The following IFT140 variants were observed in gnomAD, a reference collection of about 807,000 sequenced individuals.
IFT140 encodes the protein intraflagellar transport 140.
In IFT140, 133 loss-of-function variants were observed where a neutral mutation model predicts 164.6. The ratio of observed to expected loss-of-function variants is 0.81; its 90% CI spans 0.70 to 0.93. IFT140 has a LOEUF of 0.93. Ranked by LOEUF, IFT140 falls within the 40% of genes least tolerant of loss-of-function variation. IFT140 has a pLI of 0.00. For missense variants in IFT140, 2,045 were observed against 1,972.3 expected, an observed-to-expected ratio of 1.04 and a Z score of -0.70; for synonymous variants, 860 against 817.3, an observed-to-expected ratio of 1.05 and a Z score of -0.89.
At chr16:1,529,487 G>T (rs1381953557) in intron 19 of IFT140, among the ~76,000 whole-genome samples, 2 of 152,228 alleles carry the variant, frequency 1.3e-5, no homozygotes, top group Non-Finnish European at 2.9e-5. Context: ...TGGGACCCCA[G>T]GGAGGTGCCC....
Position 1,523,623 on chromosome 16 carries a change from G to T in IFT140, c.3348C>A (p.Asp1116Glu), listed in dbSNP as rs1438729385. 1.9e-6 allele frequency: 3 copies of T among 1,613,876 alleles called. No homozygotes were observed. The highest frequency in any genetic ancestry group is 3.3e-5 in the Admixed American group (2 of 60,010). Residue 1116 changes from aspartate (D) to glutamate (E), a missense_variant, in exon 26 of 31, where the codon GAC (aspartate) becomes GAA (glutamate). Coordinates refer to ENST00000426508, the MANE Select transcript of IFT140 (RefSeq NM_014714.4). ...QFVALQLIAE[D>E]LDETSDPALL... ...GCGCAGGGTCTGACGTCTCATCCAGGTCCTCTGCTATGAGCTGTAGGGCCA... is the reference window on the plus strand; with the variant it reads ...GCGCAGGGTCTGACGTCTCATCCAGTTCCTCTGCTATGAGCTGTAGGGCCA...
At position 1,524,032 on chromosome 16, in the gene IFT140, C is replaced by T. The variant is rs79271319; in HGVS notation, c.3142-76G>A. On this transcript the variant is annotated intron_variant, in intron 24 of 30. Coordinates refer to ENST00000426508, the MANE Select transcript of IFT140 (RefSeq NM_014714.4). ...GTCCGCTGAGATTCTGGAATGTGGC[C>T]GGGTGCGAACCCGCCCCTTCACTTT... The T allele has an allele frequency of 5.9e-3, 9,187 of 1,551,484 alleles. 28 individuals carry two copies. The highest frequency in any genetic ancestry group is 6.8e-3 in the Non-Finnish European group (7,797 of 1,153,398).
chr16:1,598,553 C>T (rs973132898), intron 4 of IFT140, among the ~76,000 whole-genome samples: 1 of 152,330 alleles, frequency 6.6e-6, no homozygotes, highest in South Asian at 2.1e-4. Context: ...CACTTAGACC[C>T]ACCAGGGAGC....
At chr16:1,558,809 C>T (rs746032021) in intron 18 of IFT140, among the ~76,000 whole-genome samples, 7 of 152,242 alleles carry the variant, frequency 4.6e-5, no homozygotes, top group African/African-American at 1.2e-4. Context: ...AAACGGATCA[C>T]GACGCAGCCT....
At position 1,592,484 on chromosome 16, in the gene IFT140, C is replaced by G. The variant is rs145287241; in HGVS notation, c.474G>C (p.Arg158=). The G allele has an allele frequency of 1.9e-5, 30 of 1,614,144 alleles. No homozygotes were observed. The East Asian group carries it at 5.3e-4, about 29-fold the overall frequency. The change falls in exon 5 of 31, where the codon CGG becomes CGC. Residue 158 remains arginine (R), a synonymous_variant. Coordinates refer to ENST00000426508, the MANE Select transcript of IFT140 (RefSeq NM_014714.4). ...YGKHLTHCIF[R]LPPPGEDLVQ... ...ACACTTACTCGCCAGGAGGGGGGAGCCGGAAGATGCAGTGCGTGAGGTGTT... is the reference window on the plus strand; with the variant it reads ...ACACTTACTCGCCAGGAGGGGGGAGGCGGAAGATGCAGTGCGTGAGGTGTT...
At position 1,533,976 on chromosome 16, in the gene IFT140, G is replaced by A. The variant is rs1341322456; in HGVS notation, c.2400-7180C>T. 3 of 446,478 alleles carry A rather than the reference G, an allele frequency of 6.7e-6. No homozygotes were observed. The highest frequency in any genetic ancestry group is 8.8e-5 in the Admixed American group (2 of 22,834). 27.7% of individuals were successfully genotyped at this position (446,478 alleles called of 1,614,324 possible). A position where few individuals can be genotyped will look rare whatever the true frequency, so the allele number is the denominator to read the frequency against. ...CGGCACAGGCCGGCCTCCGCTTCCC[G>A]GGAAGACGGCGCACTCCTGGCCCTG... On this transcript the variant is annotated intron_variant, in intron 19 of 30. Transcript: ENST00000426508. The surrounding 1 kb of genome is among the most constrained non-coding windows in gnomAD (Gnocchi z 4.7).
chr16:1,529,433 C>G lies in IFT140; in HGVS notation c.2400-2637G>C, dbSNP rs553728865. On this transcript the variant is annotated intron_variant, in intron 19 of 30. Transcript: ENST00000426508. ...CCTGGGTGCACCCACTGGCAGCTTCCTGGACGCTCAGTCGGCGCTGCGGTG... is the reference window on the plus strand; with the variant it reads ...CCTGGGTGCACCCACTGGCAGCTTCGTGGACGCTCAGTCGGCGCTGCGGTG... Among the ~76,000 whole-genome samples the G allele has an allele frequency of 3.5e-4, 53 of 152,362 alleles. No homozygotes were observed. In the South Asian group the frequency reaches 0.01, roughly 29 times the overall value.
intron 19 of IFT140, chr16:1,541,311 C>G (rs1329639794): frequency 1.0e-6 from 1 of 985,296 alleles, no homozygotes; most frequent in African/African-American, 1.7e-5. Flanking sequence ...CTGGTTCAGA[C>G]CCATGTCTGA....
chr16:1,591,739 C>T (rs1052366541), intron 6 of IFT140, among the ~76,000 whole-genome samples: 1 of 152,186 alleles, frequency 6.6e-6, no homozygotes, highest in African/African-American at 2.4e-5. Context: ...TGGCCGGGGG[C>T]CTCAGGCTGG....
chr16:1,513,787 C>T (rs1441866982), intron 30 of IFT140, among the ~76,000 whole-genome samples: 1 of 150,704 alleles, frequency 6.6e-6, no homozygotes, highest in East Asian at 2.1e-4. Flanking sequence ...CATTCTCCTG[C>T]CTCAGCCTCC....
intron 19 of IFT140, chr16:1,528,927 T>TG (rs2030134422): frequency 6.6e-6 from 1 of 152,052 alleles, no homozygotes; most frequent in Admixed American, 6.6e-5. Context: ...CCGGGAGGTG[T>TG]GGGCTGCCCA....
intron 4 of IFT140, among the ~76,000 whole-genome samples, chr16:1,595,192 G>A (rs1302243540): frequency 6.6e-6 from 1 of 152,208 alleles, no homozygotes; most frequent in African/African-American, 2.4e-5. Flanking sequence ...GGCTGAGGCA[G>A]GAGAATGGTG....
Position 1,525,275 on chromosome 16 carries a change from C to T in IFT140, c.2820G>A (p.Glu940=), listed in dbSNP as rs2141175137. 1 of 1,613,030 alleles carries T rather than the reference C, an allele frequency of 6.2e-7. No individual in the cohort carries two copies. Among genetic ancestry groups the T allele is most frequent in the Middle Eastern group, 1.6e-4 (1 of 6,062 alleles). Reference sequence around the variant, plus strand: ...CGTAGAGCTCCAGGGACGGCAGGTCCTCCGACAGCATCCTGGGCACCTCGA... The same window carrying T: ...CGTAGAGCTCCAGGGACGGCAGGTCTTCCGACAGCATCCTGGGCACCTCGA... ...HRFEVPRMLS[E]DLPSLELYVN... is the part of the protein sequence containing the mutation. The change falls in exon 22 of 31, where the codon GAG becomes GAA. Residue 940 remains glutamate, a synonymous_variant. Coordinates refer to ENST00000426508, the MANE Select transcript of IFT140 (RefSeq NM_014714.4).
At chr16:1,514,142 G>A (rs2040272750) in intron 30 of IFT140, 1 of 151,398 alleles carries the variant, frequency 6.6e-6, no homozygotes, top group Non-Finnish European at 1.5e-5. Flanking sequence ...GCCAAGGTGG[G>A]TGGATCACGA....
chr16:1,535,277 G>T (rs1053896871), intron 19 of IFT140, among the ~76,000 whole-genome samples: 1 of 152,092 alleles, frequency 6.6e-6, no homozygotes, highest in Non-Finnish European at 1.5e-5. Context: ...AGGAGAGGAA[G>T]GGGCTCAGAA....
In IFT140 at chr16:1,517,474, C is replaced by T. The variant is rs551423511; in HGVS notation, c.4182+742G>A. Among the ~76,000 whole-genome samples the T allele has an allele frequency of 2.0e-5, 3 of 152,210 alleles. No individual in the cohort carries two copies. The South Asian group carries it at 6.2e-4, about 32-fold the overall frequency. On this transcript the variant is annotated intron_variant, in intron 30 of 30. Transcript: ENST00000426508. ...CATGAGAAGGAGCTGCACATCACTA[C>T]TCATCCAGAAAATGTGAATTTAAAC...
At chr16:1,585,744 A>G (rs1271476017) in intron 10 of IFT140, among the ~76,000 whole-genome samples, 1 of 149,554 alleles carries the variant, frequency 6.7e-6, no homozygotes, top group Non-Finnish European at 1.5e-5. Context: ...ATAGGTTCAG[A>G]GTCATTTATG....
intron 4 of IFT140, among the ~76,000 whole-genome samples, chr16:1,593,688 T>C (rs937861769): frequency 6.6e-6 from 1 of 152,110 alleles, no homozygotes; most frequent in Non-Finnish European, 1.5e-5. Context: ...TTTCTCATAG[T>C]TGCCTGGGGT....
At chr16:1,524,510 G>A (rs554320302) in intron 24 of IFT140, 42 bp downstream of exon 24, 3 of 1,605,146 alleles carry the variant, frequency 1.9e-6, no homozygotes, top group East Asian at 2.2e-5. Context: ...CTCCTCAGGG[G>A]ACCTCGAGAA....
Sources: gnomAD v4.1 joint callset for allele counts (sites outside exome capture counted in the v4.1 genomes callset) on GRCh38, gnomAD v4.1.1 for gene constraint, Gnocchi (gnomAD v3.1) non-coding constraint, MANE v1.5 for transcripts, NCBI Gene and HGNC (gene_info 2026-07-23, HGNC 2026-07-21) for gene names.